The following DACH2 variants were observed in gnomAD, a reference collection of about 807,000 sequenced individuals.
DACH2 encodes the protein dachshund family transcription factor 2.
A neutral mutation model predicts 35.8 loss-of-function variants in DACH2; 17 were observed. The ratio of observed to expected loss-of-function variants is 0.48; its 90% CI spans 0.33 to 0.71. The LOEUF (loss-of-function observed/expected upper bound fraction) is 0.71, where lower values mean the gene tolerates loss of function less well. Among genes scored for constraint, DACH2 ranks in the 30% least tolerant of loss-of-function variants. The pLI is 0.02. For missense variants in DACH2, 469 were observed against 472.7 expected (o/e 0.99, Z 0.07); for synonymous variants, 195 against 177.3 (o/e 1.10, Z -0.79).
chrX:86,562,447 G>A (rs1338764934), intron 3 of DACH2, among the ~76,000 whole-genome samples: 1 of 110,920 alleles, frequency 9.0e-6, no homozygotes, highest in African/African-American at 3.3e-5. Context: ...GGAAAGTTTG[G>A]AGGAGTGAAG....
rs2037162462 is a variant in DACH2 at position 86,441,526 on chromosome X, A to T, written c.527+64664A>T. 5.2e-5 allele frequency among the ~76,000 whole-genome samples: 5 copies of T among 95,920 alleles called. No individual in the cohort carries two copies. In the Admixed American group the frequency reaches 5.8e-4, roughly 11 times the overall value. The allele number at this position is 95,920 out of a possible 115,157, so 83.3% of individuals were successfully genotyped here. Reference sequence around the variant, plus strand: ...GTGTGTGTGTGTGTGTATACACCACATTTTCTTTATCCATTAATCTGTTCA... The same window carrying T: ...GTGTGTGTGTGTGTGTATACACCACTTTTTCTTTATCCATTAATCTGTTCA... On this transcript the variant is annotated intron_variant, in intron 2 of 11. Coordinates refer to ENST00000373125, the MANE Select transcript of DACH2 (RefSeq NM_053281.3).
intron 3 of DACH2, among the ~76,000 whole-genome samples, chrX:86,581,923 A>G (rs891357038): frequency 5.8e-4 from 65 of 111,820 alleles, no homozygotes; most frequent in African/African-American, 1.9e-3. Context: ...CATTCTTTTC[A>G]TTTACATATG....
At chrX:86,149,260 A>G (rs1045633268) in intron 1 of DACH2, 152 bp downstream of exon 1, 20 of 718,511 alleles carry the variant, frequency 2.8e-5, no homozygotes, top group Non-Finnish European at 3.7e-5. Context: ...AAAGAGGACT[A>G]GAAGCTTTCA....
At chrX:86,428,850 G>A (rs766510180) in intron 2 of DACH2, among the ~76,000 whole-genome samples, 47 of 110,570 alleles carry the variant, frequency 4.3e-4, no homozygotes, top group Admixed American at 1.7e-3. Flanking sequence ...TCATCCTTAA[G>A]CTTGTTATTT....
At chrX:86,259,828 C>T (rs763841753) in intron 1 of DACH2, among the ~76,000 whole-genome samples, 1 of 111,683 alleles carries the variant, frequency 9.0e-6, no homozygotes, top group Non-Finnish European at 1.9e-5. Flanking sequence ...CTTGTTTCCT[C>T]ATGACAGGTG....
intron 2 of DACH2, among the ~76,000 whole-genome samples, chrX:86,393,110 T>A (rs973395213): frequency 9.0e-5 from 10 of 111,435 alleles, no homozygotes; most frequent in Non-Finnish European, 7.5e-5. Flanking sequence ...GCATTTTATC[T>A]AACCCCTGCC....
chrX:86,761,196 TC>T (rs1376837311), intron 7 of DACH2, among the ~76,000 whole-genome samples: 3 of 109,818 alleles, frequency 2.7e-5, no homozygotes, highest in African/African-American at 1.0e-4. Flanking sequence ...CCCTCCCCTT[TC>T]CCCCCATCCC....
intron 2 of DACH2, among the ~76,000 whole-genome samples, chrX:86,398,323 T>C (rs2036344072): frequency 8.9e-6 from 1 of 112,728 alleles, no homozygotes; most frequent in African/African-American, 3.2e-5. Flanking sequence ...ATTTTGTTGA[T>C]CTTTTCAAAA....
At chrX:86,763,706 C>A in intron 7 of DACH2, among the ~76,000 whole-genome samples, 1 of 111,399 alleles carries the variant, frequency 9.0e-6, no homozygotes. Flanking sequence ...CCTGCCTCGG[C>A]CTCCCAGAGT....
chrX:86,529,723 C>T (rs936439144), intron 3 of DACH2, among the ~76,000 whole-genome samples: 13 of 109,893 alleles, frequency 1.2e-4, no homozygotes, highest in East Asian at 2.9e-4. Flanking sequence ...CCACCTGCCC[C>T]GGCCTCCCAA....
At chrX:86,393,176 A>G (rs916707704) in intron 2 of DACH2, among the ~76,000 whole-genome samples, 4 of 110,988 alleles carry the variant, frequency 3.6e-5, no homozygotes, top group Non-Finnish European at 7.6e-5. Flanking sequence ...TTATCAATTC[A>G]ATTACCTTGG....
At chrX:86,727,089 A>C (rs950639702) in intron 6 of DACH2, among the ~76,000 whole-genome samples, 4 of 112,351 alleles carry the variant, frequency 3.6e-5, no homozygotes, top group African/African-American at 1.3e-4. Flanking sequence ...GGTCTTTTAT[A>C]TCATCTTTAC....
At chrX:86,163,000 A>T (rs905834487) in intron 1 of DACH2, among the ~76,000 whole-genome samples, 1 of 111,113 alleles carries the variant, frequency 9.0e-6, no homozygotes, top group Non-Finnish European at 1.9e-5. Flanking sequence ...CACATCATGG[A>T]GAGTGGGGTA....
At chrX:86,681,574 TCTCTCTCTCTCTCTTTCTCC>T (rs1359031395) in intron 4 of DACH2, among the ~76,000 whole-genome samples, 73 of 97,146 alleles carry the variant, frequency 7.5e-4, no homozygotes, top group African/African-American at 2.3e-3. Flanking sequence ...AGTGAGACCC[TCTCTCTCTCTCTCTTTCTCC>T]CTCTCTCTCT....
Position 86,814,784 on chromosome X carries a change from A to G in DACH2, c.1634A>G (p.Gln545Arg), listed in dbSNP as rs199544252. ...FESKRREQVE[Q>R]ALKQATTSDS... is the part of the protein sequence containing the mutation. ...TCAAAGCGCCGGGAGCAAGTGGAGC[A>G]GGCACTTAAGCAAGCCACCACTAGT... Residue 545 changes from glutamine to arginine, a missense_variant, in exon 10 of 12, where the codon CAG becomes CGG. This residue lies in a region of DACH2 where 363 missense variants were observed against 334.4 expected (regional missense o/e 1.09). Transcript: ENST00000373125. 94 of 1,209,760 alleles carry G rather than the reference A, an allele frequency of 7.8e-5. No individual in the cohort carries two copies. Among genetic ancestry groups the G allele is most frequent in the Non-Finnish European group, 1.0e-4 (90 of 895,040 alleles).
intron 1 of DACH2, among the ~76,000 whole-genome samples, chrX:86,194,512 C>G (rs111897366): frequency 7.2e-5 from 8 of 111,645 alleles, no homozygotes; most frequent in African/African-American, 6.5e-5. Flanking sequence ...ACCTGGAAAC[C>G]CTGCACCAGG....
Position 86,304,580 on chromosome X carries a change from A to G in DACH2, c.489-72244A>G, listed in dbSNP as rs756753972. ...TTACGATAACCAGGCTGGATATCCT[A>G]TGTCCTTCTCTGACCATCACATGGC... On this transcript the variant is annotated intron_variant, in intron 1 of 11. Coordinates refer to ENST00000373125, the MANE Select transcript of DACH2 (RefSeq NM_053281.3). 31 of 159,507 alleles carry G rather than the reference A, an allele frequency of 1.9e-4. No homozygotes were observed. In the South Asian group the frequency reaches 3.5e-3, roughly 18 times the overall value. The allele number at this position is 159,507 out of a possible 1,213,427, so 13.1% of individuals were successfully genotyped here.
chrX:86,686,823 A>C (rs755538640), intron 4 of DACH2, among the ~76,000 whole-genome samples: 1 of 111,955 alleles, frequency 8.9e-6, no homozygotes, highest in Non-Finnish European at 1.9e-5. Context: ...ATCACTTGTG[A>C]TACAATTCCT....
At chrX:86,485,281 G>GA (rs2038001631) in intron 2 of DACH2, among the ~76,000 whole-genome samples, 1 of 111,433 alleles carries the variant, frequency 9.0e-6, no homozygotes, top group Non-Finnish European at 1.9e-5. Context: ...TATATTCCAA[G>GA]AGGACACTGC....
Sources: gnomAD v4.1 joint callset for allele counts (sites outside exome capture counted in the v4.1 genomes callset) on GRCh38, gnomAD v4.1.1 for gene constraint, gnomAD v4.1.1 regional missense constraint, MANE v1.5 for transcripts, NCBI Gene and HGNC (gene_info 2026-07-23, HGNC 2026-07-21) for gene names.